The following ERBB4 variants were observed in gnomAD, a reference collection of about 807,000 sequenced individuals.
The protein encoded by ERBB4 is erb-b2 receptor tyrosine kinase 4.
ERBB4 carries 42 observed loss-of-function variants against 158.0 expected under a neutral mutation model. The ratio of observed to expected loss-of-function variants is 0.27; its 90% confidence interval spans 0.21 to 0.34. The LOEUF (loss-of-function observed/expected upper bound fraction) is 0.34. ERBB4 is among the 10% of genes least tolerant of loss of function. The probability of loss-of-function intolerance (pLI) is 1.00; values close to 1 mark genes in which losing one functional copy is unlikely to be tolerated. For synonymous variants in ERBB4, 583 were observed against 558.7 expected (o/e 1.04, Z -0.61); for missense variants, 1,333 against 1,624.1 (o/e 0.82, Z 3.08).
In ERBB4 at chr2:211,638,635, T is replaced by C. The variant is rs562903953; in HGVS notation, c.1947-8041A>G. Among the ~76,000 whole-genome samples the C allele has an allele frequency of 7.0e-4, 106 of 152,258 alleles. 1 individual carries two copies. The highest frequency in any genetic ancestry group is 1.0e-3 in the Non-Finnish European group (71 of 67,996). ...GTACTGTCCCCCTTCCTAAGCAAATTTGAATGTTTTTTGACTCGGCTTTAT... is the reference window on the plus strand; with the variant it reads ...GTACTGTCCCCCTTCCTAAGCAAATCTGAATGTTTTTTGACTCGGCTTTAT... On this transcript the variant is annotated intron_variant, in intron 16 of 27. Transcript: ENST00000342788.
chr2:211,647,924 A>G (rs1322214577), intron 16 of ERBB4, among the ~76,000 whole-genome samples: 1 of 151,582 alleles, frequency 6.6e-6, no homozygotes, highest in Non-Finnish European at 1.5e-5. Flanking sequence ...GTCTGTCTCA[A>G]TTTCCTTTGC....
At chr2:211,988,143 GA>G (rs996404403) in intron 2 of ERBB4, among the ~76,000 whole-genome samples, 2 of 152,138 alleles carry the variant, frequency 1.3e-5, no homozygotes, top group African/African-American at 4.8e-5. Flanking sequence ...AGGTTTTAGA[GA>G]GCAAATGTTT....
intron 1 of ERBB4, among the ~76,000 whole-genome samples, chr2:212,468,515 T>C (rs1185849955): frequency 6.6e-6 from 1 of 152,164 alleles, no homozygotes; most frequent in Non-Finnish European, 1.5e-5. Context: ...AAAATATGAC[T>C]TGCCCCTCCT....
At chr2:211,818,435 C>T (rs76322764) in intron 3 of ERBB4, among the ~76,000 whole-genome samples, 16,120 of 151,772 alleles carry the variant, frequency 0.11, 1,166 homozygotes, top group Non-Finnish European at 0.15. Context: ...TAAGGAGATA[C>T]GTTAGCTGGG....
intron 1 of ERBB4, among the ~76,000 whole-genome samples, chr2:212,267,597 C>CTTTTTTTTTTTTTTT (rs5838314): frequency 4.2e-5 from 2 of 47,616 alleles, no homozygotes; most frequent in Non-Finnish European, 5.2e-5. Flanking sequence ...GTTCTCATTT[C>CTTTTTTTTTTTTTTT]TTTTTTTTTT....
chr2:211,682,890 T>TTAAG (rs1209516609), intron 12 of ERBB4, among the ~76,000 whole-genome samples: 1 of 151,978 alleles, frequency 6.6e-6, no homozygotes, highest in Non-Finnish European at 1.5e-5. Flanking sequence ...ATTGAAATAA[T>TTAAG]TAAGTTGAAA....
At chr2:211,739,636 G>C (rs1423293456) in intron 5 of ERBB4, among the ~76,000 whole-genome samples, 2 of 152,066 alleles carry the variant, frequency 1.3e-5, no homozygotes. Context: ...GCTAATTTTT[G>C]TAATTTTGTG....
At chr2:211,506,339 C>A (rs897926108) in intron 20 of ERBB4, among the ~76,000 whole-genome samples, 3 of 152,108 alleles carry the variant, frequency 2.0e-5, no homozygotes, top group Non-Finnish European at 2.9e-5. Context: ...ATTGATAACA[C>A]TGGACAGGTC....
intron 12 of ERBB4, among the ~76,000 whole-genome samples, chr2:211,683,301 T>G (rs1044858774): frequency 1.3e-5 from 2 of 152,144 alleles, no homozygotes; most frequent in Non-Finnish European, 1.5e-5. Flanking sequence ...AATTTTGTAC[T>G]TGTATCTTCA....
At chr2:212,435,568 G>C (rs2092119611) in intron 1 of ERBB4, among the ~76,000 whole-genome samples, 1 of 151,728 alleles carries the variant, frequency 6.6e-6, no homozygotes, top group Admixed American at 6.6e-5. Flanking sequence ...AGAGGAACAT[G>C]GAATAAATGG....
In ERBB4 at chr2:211,861,000, T is replaced by G. The variant is rs2078001327; in HGVS notation, c.422-72841A>C. ...TAAATATATTATATAATATAATATA[T>G]TATATATTTATATATTTATATATAT... On this transcript the variant is annotated intron_variant, in intron 3 of 27. Transcript: ENST00000342788. 9.7e-5 allele frequency among the ~76,000 whole-genome samples: 3 copies of G among 31,052 alleles called. 1 individual carries two copies. The highest frequency in any genetic ancestry group is 5.4e-5 in the Non-Finnish European group (1 of 18,388). 20.4% of individuals were successfully genotyped at this position (31,052 alleles called of 152,430 possible).
intron 1 of ERBB4, among the ~76,000 whole-genome samples, chr2:212,522,056 T>G (rs1692199283): frequency 6.6e-6 from 1 of 151,982 alleles, no homozygotes; most frequent in Non-Finnish European, 1.5e-5. Context: ...CTTAAGAAAT[T>G]CATCTATGTT....
At chr2:211,531,743 C>G (rs922380892) in intron 20 of ERBB4, among the ~76,000 whole-genome samples, 1 of 151,982 alleles carries the variant, frequency 6.6e-6, no homozygotes, top group Non-Finnish European at 1.5e-5. Flanking sequence ...CTATGGAGAA[C>G]AGTTTGGAGG....
intron 2 of ERBB4, among the ~76,000 whole-genome samples, chr2:212,101,358 T>TATATATATAC (rs1240983194): frequency 6.7e-6 from 1 of 149,212 alleles, no homozygotes; most frequent in Non-Finnish European, 1.5e-5. Flanking sequence ...TACATATATA[T>TATATATATAC]ATATATATGT....
At chr2:211,750,775 T>A in intron 4 of ERBB4, 71 bp from the exon 5 acceptor site, 1 of 1,285,582 alleles carries the variant, frequency 7.8e-7, no homozygotes, top group South Asian at 1.2e-5. Flanking sequence ...GAGTAACTCC[T>A]CAAAGGAAAT....
intron 20 of ERBB4, among the ~76,000 whole-genome samples, chr2:211,449,913 A>C (rs1338925100): frequency 6.6e-6 from 1 of 152,216 alleles, no homozygotes; most frequent in Non-Finnish European, 1.5e-5. Context: ...ACTATGATAT[A>C]ATAGCAATAA....
At chr2:212,502,377 T>C (rs1040823963) in intron 1 of ERBB4, among the ~76,000 whole-genome samples, 2 of 152,208 alleles carry the variant, frequency 1.3e-5, no homozygotes, top group Non-Finnish European at 1.5e-5. Flanking sequence ...ATACAAATTA[T>C]ATCATTTAAT....
intron 1 of ERBB4, among the ~76,000 whole-genome samples, chr2:212,353,754 G>A (rs1408807226): frequency 1.3e-5 from 2 of 152,048 alleles, no homozygotes; most frequent in African/African-American, 4.8e-5. Flanking sequence ...AGAGTTAAGT[G>A]GGCACCAGAT....
At position 211,472,059 on chromosome 2, in the gene ERBB4, G is replaced by A. The variant is rs540293638; in HGVS notation, c.2488-40959C>T. On this transcript the variant is annotated intron_variant, in intron 20 of 27. Coordinates refer to ENST00000342788, the MANE Select transcript of ERBB4 (RefSeq NM_005235.3). ...ATTGCAAACTTTTAAGTTGACAAAA[G>A]ATTTCTGACCAAATGTAGATTTTAA... 7.2e-5 allele frequency among the ~76,000 whole-genome samples: 11 copies of A among 152,180 alleles called. No homozygotes were observed. The East Asian group carries it at 1.9e-3, about 27-fold the overall frequency.
Sources: gnomAD v4.1 joint callset for allele counts (sites outside exome capture counted in the v4.1 genomes callset) on GRCh38, gnomAD v4.1.1 for gene constraint, MANE v1.5 for transcripts, NCBI Gene and HGNC (gene_info 2026-07-23, HGNC 2026-07-21) for gene names.